The following NIPA1 variants were observed in gnomAD, a reference collection of about 807,000 sequenced individuals.
The protein encoded by NIPA1 is NIPA magnesium transporter 1.
In NIPA1, 13 loss-of-function variants were observed where a neutral mutation model predicts 23.9. That is an observed-to-expected ratio of 0.54 (90% CI 0.35 to 0.87). The LOEUF (loss-of-function observed/expected upper bound fraction) is 0.87. Among genes scored for constraint, NIPA1 ranks in the 40% least tolerant of loss-of-function variants. The probability of loss-of-function intolerance (pLI) is 0.01; values close to 1 mark genes in which losing one functional copy is unlikely to be tolerated. For missense variants in NIPA1, 362 were observed against 429.7 expected (o/e 0.84, Z 1.39); for synonymous variants, 234 against 202.9 (o/e 1.15, Z -1.30).
At chr15:22,789,994 A>T (rs1253334205) in intron 1 of NIPA1, among the ~76,000 whole-genome samples, 1 of 152,128 alleles carries the variant, frequency 6.6e-6, no homozygotes. Context: ...GGGTTTCACC[A>T]TGTTGGCCAG....
At chr15:22,790,519 C>T (rs748248343) in intron 1 of NIPA1, among the ~76,000 whole-genome samples, 5 of 151,058 alleles carry the variant, frequency 3.3e-5, no homozygotes, top group East Asian at 1.9e-4. Flanking sequence ...CGGGTTCAAG[C>T]GATTCTCCTG....
chr15:22,812,740 C>A (rs1484239740), intron 3 of NIPA1, among the ~76,000 whole-genome samples: 1 of 151,850 alleles, frequency 6.6e-6, no homozygotes, highest in Non-Finnish European at 1.5e-5. Flanking sequence ...TAGTATTAAC[C>A]CTTTTCTTAG....
intron 2 of NIPA1, chr15:22,811,051 A>G (rs1895306092): frequency 3.8e-6 from 2 of 532,016 alleles, no homozygotes; most frequent in Admixed American, 6.3e-5. Flanking sequence ...CCTGCTGCCC[A>G]CGATTAGCCG....
In NIPA1 at chr15:22,820,296, C is replaced by G. The variant is rs746466504; in HGVS notation, c.318-17C>G. 1 of 1,583,214 alleles carries G rather than the reference C, an allele frequency of 6.3e-7. No homozygotes were observed. Among genetic ancestry groups the G allele is most frequent in the East Asian group, 2.2e-5 (1 of 44,718 alleles). ...AGTTTGGTTTAAACTTTAATGATTT[C>G]TCTTTTTTCAATAAAGGTCCATTTT... On this transcript the variant is annotated splice_polypyrimidine_tract_variant and intron_variant, in intron 3 of 4. Transcript: ENST00000337435.
chr15:22,810,644 T>C, intron 1 of NIPA1, 105 bp from the exon 2 acceptor site: 1 of 745,706 alleles, frequency 1.3e-6, no homozygotes, highest in South Asian at 1.4e-5. Context: ...TTCATTCTTT[T>C]CAATTTTAGT....
chr15:22,827,216 TCTC>T lies in NIPA1; in HGVS notation c.*2981_*2983del, dbSNP rs1895670889. The T allele has an allele frequency of 6.6e-6, 1 of 152,210 alleles. No individual in the cohort carries two copies. 9.4% of individuals were successfully genotyped at this position (152,210 alleles called of 1,614,324 possible). On this transcript the variant is annotated 3_prime_UTR_variant, in exon 5 of 5. Coordinates refer to ENST00000337435, the MANE Select transcript of NIPA1 (RefSeq NM_144599.5). ...GATAGATACTTAAATAGGCTATTTCTCTCCTCTTCTTGGGCAATGCCTTGTTTT... is the reference window on the plus strand; with the variant it reads ...GATAGATACTTAAATAGGCTATTTCTCTCTTCTTGGGCAATGCCTTGTTTT...
chr15:22,786,972 G>A, intron 1 of NIPA1, 138 bp downstream of exon 1: 2 of 448,728 alleles, frequency 4.5e-6, no homozygotes, highest in Non-Finnish European at 6.2e-6. Context: ...AAGGCTGCGC[G>A]GGCGGGTGCT....
intron 1 of NIPA1, among the ~76,000 whole-genome samples, chr15:22,806,166 G>A (rs374931889): frequency 4.6e-4 from 70 of 152,156 alleles, no homozygotes; most frequent in South Asian, 4.1e-4. Flanking sequence ...CTTGTGATCC[G>A]CCCGCCTCGG....
At chr15:22,820,503 A>C (rs1174986386) in intron 4 of NIPA1, 30 bp downstream of exon 4, 1 of 1,598,244 alleles carries the variant, frequency 6.3e-7, no homozygotes, top group Admixed American at 1.7e-5. Context: ...ACTGCCAAGA[A>C]AGTTTGCAGT....
At chr15:22,802,899 T>C (rs1284844990) in intron 1 of NIPA1, among the ~76,000 whole-genome samples, 1 of 152,130 alleles carries the variant, frequency 6.6e-6, no homozygotes, top group East Asian at 1.9e-4. Context: ...TGCTGAGTAG[T>C]GTTGTGTTGT....
At chr15:22,809,660 G>A (rs1895280030) in intron 1 of NIPA1, among the ~76,000 whole-genome samples, 1 of 151,166 alleles carries the variant, frequency 6.6e-6, no homozygotes, top group Non-Finnish European at 1.5e-5. Flanking sequence ...CGGGAGAATT[G>A]TTTGAACCCG....
chr15:22,812,394 G>A, intron 3 of NIPA1, 141 bp downstream of exon 3: 2 of 674,944 alleles, frequency 3.0e-6, no homozygotes, highest in South Asian at 1.5e-5. Flanking sequence ...GCTTACGCCT[G>A]TAATCCCAGC....
intron 3 of NIPA1, among the ~76,000 whole-genome samples, chr15:22,819,973 C>T (rs904008352): frequency 2.0e-5 from 3 of 152,174 alleles, no homozygotes; most frequent in South Asian, 2.1e-4. Context: ...GCAAGAGGAT[C>T]GTTTGAGCCC....
intron 3 of NIPA1, among the ~76,000 whole-genome samples, chr15:22,812,910 A>C (rs1247646740): frequency 6.6e-6 from 1 of 152,114 alleles, no homozygotes; most frequent in Non-Finnish European, 1.5e-5. Context: ...AAAATGACTG[A>C]GTTGGTGTTT....
Position 22,786,677 on chromosome 15 carries a change from A to AGCGGCGGCGGCGGCGGCG in NIPA1, c.30_47dup (p.Ala11_Ala16dup), listed in dbSNP as rs531550505. ...GCGGAATGGGGACTGCAGCTGCGGC[A>AGCGGCGGCGGCGGCGGCG]GCGGCGGCGGCGGCGGCGGCGGCGG... On this transcript the variant is annotated inframe_insertion, in exon 1 of 5. Transcript: ENST00000337435. The AGCGGCGGCGGCGGCGGCG allele has an allele frequency of 9.6e-7, 1 of 1,044,712 alleles. No homozygotes were observed. The highest frequency in any genetic ancestry group is 1.8e-5 in the African/African-American group (1 of 57,030). The allele number at this position is 1,044,712 out of a possible 1,614,324, so 64.7% of individuals were successfully genotyped here.
At chr15:22,803,681 T>TC in intron 1 of NIPA1, among the ~76,000 whole-genome samples, 1 of 138,794 alleles carries the variant, frequency 7.2e-6, no homozygotes, top group South Asian at 2.4e-4. Flanking sequence ...GCTAATTTTT[T>TC]TTTTTTTTTT....
chr15:22,789,751 A>C (rs1894790774), intron 1 of NIPA1, among the ~76,000 whole-genome samples: 1 of 152,112 alleles, frequency 6.6e-6, no homozygotes, highest in Admixed American at 6.5e-5. Flanking sequence ...AATTTGGCTG[A>C]GGGGCACAAA....
chr15:22,792,942 A>G (rs1440264896), intron 1 of NIPA1, among the ~76,000 whole-genome samples: 3 of 152,060 alleles, frequency 2.0e-5, no homozygotes, highest in African/African-American at 7.2e-5. Flanking sequence ...CAACAAGAGC[A>G]AAAACTCCAT....
intron 1 of NIPA1, among the ~76,000 whole-genome samples, chr15:22,798,620 G>A (rs529105758): frequency 6.7e-5 from 10 of 148,944 alleles, no homozygotes; most frequent in South Asian, 4.3e-4. Flanking sequence ...AGGCTGAGAC[G>A]GGTGGATCAC....
Sources: allele counts gnomAD v4.1 joint callset (sites outside exome capture counted in the v4.1 genomes callset), GRCh38; gene constraint gnomAD v4.1.1; transcripts MANE v1.5; gene names NCBI Gene and HGNC (gene_info 2026-07-23, HGNC 2026-07-21).